GLE1: variants seen among roughly 807,000 people sequenced by gnomAD.
GLE1 encodes mRNA export factor GLE1.
A neutral mutation model predicts 97.3 loss-of-function variants in GLE1; 78 were observed. The observed-to-expected ratio is 0.80, with a 90% CI of 0.67 to 0.97. GLE1 has a LOEUF of 0.97. Ranked by LOEUF, GLE1 falls within the 50% of genes least tolerant of loss-of-function variation. GLE1 has a pLI of 0.00. For synonymous variants in GLE1, 302 were observed against 313.4 expected (o/e 0.96, Z 0.39); for missense variants, 753 against 857.5 (o/e 0.88, Z 1.52).
intron 2 of GLE1, among the ~76,000 whole-genome samples, chr9:128,510,183 G>A (rs544861783): frequency 1.3e-5 from 2 of 151,420 alleles, no homozygotes; most frequent in South Asian, 2.1e-4. Context: ...TCAGCCTCCC[G>A]AATAGCTGGG....
rs114055452 is a variant in GLE1, at chr9:128,532,852, T to C, written c.1313-661T>C. ...AAATCTTTGGTACAAATATAGCTGT[T>C]ACGAATCCACTTCTGTGTCTCTGAG... On this transcript the variant is annotated intron_variant, in intron 9 of 15. Coordinates refer to ENST00000309971, the MANE Select transcript of GLE1 (RefSeq NM_001003722.2). 6.5e-3 allele frequency among the ~76,000 whole-genome samples: 982 copies of C among 152,234 alleles called. 8 individuals are homozygous for C. Among genetic ancestry groups the C allele is most frequent in the African/African-American group, 0.022 (921 of 41,544 alleles).
At position 128,513,301 on chromosome 9, in the gene GLE1, G is replaced by A. The variant is rs528162303; in HGVS notation, c.322-2228G>A. On this transcript the variant is annotated intron_variant, in intron 2 of 15. Transcript: ENST00000309971. ...TGGGGCTTTGCCTCTCCATTTCTCA[G>A]TTATTGGTTTCATTGTTGAGATAGA... 2.8e-4 allele frequency among the ~76,000 whole-genome samples: 42 copies of A among 152,074 alleles called. 1 individual carries two copies. Among genetic ancestry groups the A allele is most frequent in the African/African-American group, 9.9e-4 (41 of 41,462 alleles).
At chr9:128,522,642 A>G (rs1256831504) in intron 3 of GLE1, 26 bp from the exon 4 acceptor site, 2 of 1,585,540 alleles carry the variant, frequency 1.3e-6, no homozygotes, top group Non-Finnish European at 1.7e-6. Context: ...TCTTAAAAAA[A>G]AAAAAAAAAA....
intron 9 of GLE1, among the ~76,000 whole-genome samples, chr9:128,531,688 C>T (rs185543870): frequency 1.1e-4 from 17 of 151,554 alleles, no homozygotes; most frequent in African/African-American, 2.4e-4. Flanking sequence ...AAAAATTAGC[C>T]GGGCGTGGTG....
chr9:128,523,574 C>G lies in GLE1; in HGVS notation c.643-18C>G, dbSNP rs1271955730. 2.5e-6 allele frequency: 4 copies of G among 1,613,592 alleles called. No homozygotes were observed. Among genetic ancestry groups the G allele is most frequent in the Non-Finnish European group, 3.4e-6 (4 of 1,179,918 alleles). Reference sequence around the variant, plus strand: ...CCAGGAACCCCTCAGAGAGAAGTCACTCAGCCCTTTTCTACAGATTCTCAA... The same window carrying G: ...CCAGGAACCCCTCAGAGAGAAGTCAGTCAGCCCTTTTCTACAGATTCTCAA... On this transcript the variant is annotated intron_variant, in intron 5 of 15. Coordinates refer to ENST00000309971, the MANE Select transcript of GLE1 (RefSeq NM_001003722.2).
intron 3 of GLE1, 128 bp downstream of exon 3, chr9:128,515,767 G>A (rs913089774): frequency 1.2e-4 from 81 of 699,750 alleles, no homozygotes; most frequent in Middle Eastern, 3.3e-4. Context: ...TTTGGGGGTA[G>A]TGTAATAGAG....
Position 128,527,514 on chromosome 9 carries a change from C to T in GLE1, c.1301C>T (p.Ser434Phe). 6.2e-7 allele frequency: 1 copy of T among 1,608,510 alleles called. No individual in the cohort carries two copies. Among genetic ancestry groups the T allele is most frequent in the Non-Finnish European group, 8.5e-7 (1 of 1,174,894 alleles). ...KAATIPVSQI[S>F]TIAGSKLKEI... ...GCTACCATCCCAGTGAGCCAAATCT[C>T]TACCATTGCAGGTTGGTCAGAGGGG... is the stretch of plus-strand genomic sequence containing the variant. Residue 434 changes from serine to phenylalanine, a missense_variant, in exon 9 of 16, where the codon TCT becomes TTT. By Grantham distance (155) the Ser-to-Phe change is radical. Coordinates refer to ENST00000309971, the MANE Select transcript of GLE1 (RefSeq NM_001003722.2).
At chr9:128,518,785 T>C (rs1364547576) in intron 3 of GLE1, among the ~76,000 whole-genome samples, 3 of 151,280 alleles carry the variant, frequency 2.0e-5, no homozygotes, top group African/African-American at 7.3e-5. Flanking sequence ...GGAGAATCGC[T>C]TGAACCCAGG....
chr9:128,529,900 C>G (rs904651495), intron 9 of GLE1, among the ~76,000 whole-genome samples: 1 of 152,120 alleles, frequency 6.6e-6, no homozygotes, highest in Middle Eastern at 3.2e-3. Context: ...CCTCAGCCTC[C>G]CGAGTAGCTG....
In GLE1 at chr9:128,509,061, T is replaced by C. The variant is rs990788723; in HGVS notation, c.285T>C (p.Phe95=). Residue 95 remains phenylalanine, a synonymous_variant, in exon 2 of 16, where the codon TTT becomes TTC. Coordinates refer to ENST00000309971, the MANE Select transcript of GLE1 (RefSeq NM_001003722.2). ...AATCTCCTGACGCAAGCTCTGCCTT[T>C]TCCCCAGCCTCCCCTGCAACACCAA... is the stretch of plus-strand genomic sequence containing the variant. ...VPKSPDASSA[F]SPASPATPNG... 6.2e-7 allele frequency: 1 copy of C among 1,613,422 alleles called. No homozygotes were observed. Among genetic ancestry groups the C allele is most frequent in the South Asian group, 1.1e-5 (1 of 91,074 alleles).
chr9:128,507,610 G>A (rs888607085), intron 1 of GLE1, among the ~76,000 whole-genome samples: 11 of 150,530 alleles, frequency 7.3e-5, no homozygotes, highest in Non-Finnish European at 1.3e-4. Context: ...AAAAATAGTC[G>A]GGCGTGGTGG....
chr9:128,517,573 A>C (rs188879844), intron 3 of GLE1, among the ~76,000 whole-genome samples: 115 of 152,326 alleles, frequency 7.5e-4, no homozygotes, highest in Admixed American at 3.4e-3. Flanking sequence ...CTAATTCTGC[A>C]TATCAGAGTT....
rs1322772132 is a variant in GLE1 at position 128,504,782 on chromosome 9, A to G, written c.-24A>G. 6.7e-7 allele frequency: 1 copy of G among 1,482,958 alleles called. No individual in the cohort carries two copies. The highest frequency in any genetic ancestry group is 9.4e-7 in the Non-Finnish European group (1 of 1,060,914). 91.9% of individuals were successfully genotyped at this position (1,482,958 alleles called of 1,614,324 possible). ...CTTGTTTGGTCAGAAGGGGGGCGTCAGAGAAGCTGCCCCTTAGCCAACCAT... is the reference window on the plus strand; with the variant it reads ...CTTGTTTGGTCAGAAGGGGGGCGTCGGAGAAGCTGCCCCTTAGCCAACCAT... On this transcript the variant is annotated 5_prime_UTR_variant, in exon 1 of 16. Transcript: ENST00000309971.
intron 2 of GLE1, among the ~76,000 whole-genome samples, chr9:128,509,363 G>A (rs557750781): frequency 7.3e-5 from 11 of 150,980 alleles, no homozygotes; most frequent in South Asian, 2.1e-4. Flanking sequence ...TGAACGCTGC[G>A]TCTGTTTAAC....
At chr9:128,532,720 A>T (rs1246932204) in intron 9 of GLE1, 2 of 948,624 alleles carry the variant, frequency 2.1e-6, no homozygotes, top group Non-Finnish European at 2.5e-6. Flanking sequence ...TTGTGAGTGT[A>T]TGTGACACAG....
intron 14 of GLE1, chr9:128,539,946 G>A (rs1025770169): frequency 9.4e-7 from 1 of 1,059,064 alleles, no homozygotes; most frequent in African/African-American, 1.6e-5. Flanking sequence ...AGTGGCTTAT[G>A]CCTATAATTA....
chr9:128,541,244 G>A lies in GLE1; in HGVS notation c.*74G>A. The A allele has an allele frequency of 3.4e-6, 3 of 873,096 alleles. No individual in the cohort carries two copies. The highest frequency in any genetic ancestry group is 6.0e-6 in the Non-Finnish European group (3 of 503,702). The allele number at this position is 873,096 out of a possible 1,614,324, so 54.1% of individuals were successfully genotyped here. A position where few individuals can be genotyped will look rare whatever the true frequency, so the allele number is the denominator to read the frequency against. On this transcript the variant is annotated 3_prime_UTR_variant, in exon 16 of 16. Transcript: ENST00000309971. ...AAGGAACTGAAGACAGCTGTATTTG[G>A]GAGAAGTCATGTCAGATTCAGAAAT...
chr9:128,535,130 A>G (rs1338813243), intron 11 of GLE1, among the ~76,000 whole-genome samples: 32 of 152,128 alleles, frequency 2.1e-4, no homozygotes, highest in Non-Finnish European at 4.4e-5. Flanking sequence ...TACTTTAACA[A>G]TTTGGGAGGT....
intron 9 of GLE1, 53 bp from the exon 10 acceptor site, chr9:128,533,460 A>T: frequency 1.4e-6 from 2 of 1,414,588 alleles, no homozygotes; most frequent in East Asian, 2.3e-5. Flanking sequence ...AAAGGAAAAG[A>T]AAAAGAGATT....
Sources: allele counts gnomAD v4.1 joint callset (sites outside exome capture counted in the v4.1 genomes callset), GRCh38; gene constraint gnomAD v4.1.1; transcripts MANE v1.5; gene names NCBI Gene and HGNC (gene_info 2026-07-23, HGNC 2026-07-21).